Variants in SYT9 observed in about 807,000 individuals in gnomAD.
SYT9 encodes synaptotagmin-9.
In SYT9, 22 loss-of-function variants were observed where a neutral mutation model predicts 48.4. That is an observed-to-expected ratio of 0.45 (90% CI 0.32 to 0.65). The LOEUF is 0.65. SYT9 is among the 30% of genes least tolerant of loss of function. SYT9 has a pLI of 0.03. For missense variants in SYT9, 577 were observed against 622.0 expected (o/e 0.93, Z 0.77); for synonymous variants, 265 against 245.0 (o/e 1.08, Z -0.76).
intron 3 of SYT9, among the ~76,000 whole-genome samples, chr11:7,376,374 C>CCTG (rs1564882075): frequency 8.4e-6 from 1 of 118,886 alleles, no homozygotes; most frequent in South Asian, 3.0e-4. Flanking sequence ...CCTTCCTCCT[C>CCTG]CCCTCCCCTC....
rs985200260 is a variant in SYT9, at chr11:7,420,643, C to A, written c.1467+8C>A. The A allele has an allele frequency of 1.9e-6, 3 of 1,613,996 alleles. No individual in the cohort carries two copies. The East Asian group carries it at 6.7e-5, about 36-fold the overall frequency. On this transcript the variant is annotated splice_region_variant and intron_variant, in intron 6 of 6. Coordinates refer to ENST00000318881, the MANE Select transcript of SYT9 (RefSeq NM_175733.4). The stretch of plus-strand genomic sequence containing the variant: ...TGGCATTCCCTGGTGGAGGTAAGAC[C>A]CTAATCCACATGCTCCACTTTGCAT...
chr11:7,264,751 G>A (rs947564356), intron 1 of SYT9, among the ~76,000 whole-genome samples: 1 of 152,024 alleles, frequency 6.6e-6, no homozygotes, highest in Non-Finnish European at 1.5e-5. Context: ...GAAGACAGGA[G>A]CTCAAAGAAC....
chr11:7,415,129 C>T (rs553708204), intron 3 of SYT9, among the ~76,000 whole-genome samples: 8 of 152,252 alleles, frequency 5.3e-5, no homozygotes, highest in African/African-American at 1.4e-4. Flanking sequence ...TAGAGGCACG[C>T]CAGCAAAAGA....
At chr11:7,356,871 A>G (rs1238341793) in intron 3 of SYT9, among the ~76,000 whole-genome samples, 2 of 152,322 alleles carry the variant, frequency 1.3e-5, no homozygotes, top group East Asian at 1.9e-4. Flanking sequence ...CTGCACTGCT[A>G]TGTTCCAGGT....
At chr11:7,391,958 A>T (rs1371433101) in intron 3 of SYT9, among the ~76,000 whole-genome samples, 4 of 151,578 alleles carry the variant, frequency 2.6e-5, no homozygotes, top group Non-Finnish European at 5.9e-5. Flanking sequence ...CCACTTTCTA[A>T]TGAGGTTTTT....
chr11:7,346,074 G>A (rs916571436), intron 3 of SYT9, among the ~76,000 whole-genome samples: 13 of 152,136 alleles, frequency 8.5e-5, no homozygotes, highest in Non-Finnish European at 7.4e-5. Flanking sequence ...ATTATGTGAC[G>A]GCAAAGTCAT....
rs563801133 is a variant in SYT9 at position 7,252,695 on chromosome 11, G to A, written c.145+364G>A. Among the ~76,000 whole-genome samples, 1 of 152,372 alleles carries A rather than the reference G, an allele frequency of 6.6e-6. No homozygotes were observed. Among genetic ancestry groups the A allele is most frequent in the Non-Finnish European group, 1.5e-5 (1 of 68,036 alleles). On this transcript the variant is annotated intron_variant, in intron 1 of 6. Transcript: ENST00000318881. This position sits in a 1 kb window ranked among gnomAD's most constrained non-coding sequence, Gnocchi z 6.3. Reference sequence around the variant, plus strand: ...GAGGGGAGGCCGCGGCGGCCTCGGAGCCGTGGGAAGGGGGACGAGGCCGAA... The same window carrying A: ...GAGGGGAGGCCGCGGCGGCCTCGGAACCGTGGGAAGGGGGACGAGGCCGAA...
intron 3 of SYT9, among the ~76,000 whole-genome samples, chr11:7,374,284 G>A (rs895422943): frequency 8.5e-5 from 13 of 152,110 alleles, no homozygotes; most frequent in African/African-American, 2.9e-4. Flanking sequence ...ACATTCCATG[G>A]TGTATATGTG....
At chr11:7,308,653 T>A (rs1849076101) in intron 2 of SYT9, among the ~76,000 whole-genome samples, 1 of 152,158 alleles carries the variant, frequency 6.6e-6, no homozygotes, top group Non-Finnish European at 1.5e-5. Context: ...TATCATCTCC[T>A]TCATAAAAGT....
At chr11:7,371,915 G>A (rs879323092) in intron 3 of SYT9, among the ~76,000 whole-genome samples, 4 of 152,060 alleles carry the variant, frequency 2.6e-5, no homozygotes, top group Non-Finnish European at 4.4e-5. Flanking sequence ...TAACATTTGG[G>A]TTGTTTCAAA....
At chr11:7,445,019 G>A (rs1331221782) in intron 6 of SYT9, among the ~76,000 whole-genome samples, 1 of 152,220 alleles carries the variant, frequency 6.6e-6, no homozygotes, top group African/African-American at 2.4e-5. Flanking sequence ...ATGAGTGCTG[G>A]AGCTGGCTTC....
At chr11:7,453,402 A>G (rs1312165790) in intron 6 of SYT9, among the ~76,000 whole-genome samples, 1 of 152,150 alleles carries the variant, frequency 6.6e-6, no homozygotes, top group Admixed American at 6.5e-5. Context: ...GGTCTCTAGC[A>G]TGCACACATT....
chr11:7,332,206 G>A (rs749524224), intron 3 of SYT9, among the ~76,000 whole-genome samples: 2 of 152,176 alleles, frequency 1.3e-5, no homozygotes, highest in Admixed American at 6.5e-5. Context: ...AAGGAGCTCT[G>A]GAGCGTGAAG....
At chr11:7,416,244 C>T in intron 4 of SYT9, 82 bp downstream of exon 4, 1 of 1,532,078 alleles carries the variant, frequency 6.5e-7, no homozygotes. Flanking sequence ...GGTAATAAAG[C>T]ACATTGACTC....
intron 3 of SYT9, among the ~76,000 whole-genome samples, chr11:7,395,688 G>A (rs531701741): frequency 1.6e-4 from 24 of 152,074 alleles, no homozygotes; most frequent in South Asian, 4.2e-4. Flanking sequence ...TCCTGTTTGC[G>A]TAATAGATTT....
chr11:7,245,921 C>T (rs1037878242), intron 1 of SYT9, among the ~76,000 whole-genome samples: 2 of 151,990 alleles, frequency 1.3e-5, no homozygotes, highest in African/African-American at 2.4e-5. Context: ...TGAGTGAATC[C>T]GAGGAACCAG....
At chr11:7,385,644 C>T (rs996939472) in intron 3 of SYT9, among the ~76,000 whole-genome samples, 3 of 151,954 alleles carry the variant, frequency 2.0e-5, no homozygotes, top group Admixed American at 1.3e-4. Context: ...TACCCCTGAA[C>T]CTTAAAAAAA....
chr11:7,340,182 C>T (rs1849690041), intron 3 of SYT9, among the ~76,000 whole-genome samples: 1 of 152,096 alleles, frequency 6.6e-6, no homozygotes, highest in African/African-American at 2.4e-5. Flanking sequence ...TTGTGAAATT[C>T]TTGTAATGTG....
chr11:7,242,472 C>G (rs969529773), intron 1 of SYT9, among the ~76,000 whole-genome samples: 1 of 152,156 alleles, frequency 6.6e-6, no homozygotes, highest in Non-Finnish European at 1.5e-5. Context: ...ACACCACCCT[C>G]TGCATAGGGT....
Sources: gnomAD v4.1 joint callset for allele counts (sites outside exome capture counted in the v4.1 genomes callset) on GRCh38, gnomAD v4.1.1 for gene constraint, Gnocchi (gnomAD v3.1) non-coding constraint, MANE v1.5 for transcripts, NCBI Gene and HGNC (gene_info 2026-07-23, HGNC 2026-07-21) for gene names.